The following CRAMP1 variants were observed in gnomAD, a reference collection of about 807,000 sequenced individuals.
The protein encoded by CRAMP1 is cramped chromatin regulator 1.
In CRAMP1, 50 loss-of-function variants were observed where a neutral mutation model predicts 115.4. That is an observed-to-expected ratio of 0.43 (90% CI 0.35 to 0.55). The LOEUF (loss-of-function observed/expected upper bound fraction) is 0.55. Ranked by LOEUF, CRAMP1 falls within the 20% of genes least tolerant of loss-of-function variation. CRAMP1 has a pLI of 0.01. For missense variants in CRAMP1, 1,679 were observed against 1,721.7 expected (o/e 0.98, Z 0.44); for synonymous variants, 866 against 745.4 (o/e 1.16, Z -2.64).
chr16:1,670,711 A>T lies in CRAMP1; in HGVS notation c.3547A>T (p.Ile1183Phe), dbSNP rs1215143307. 6.2e-7 allele frequency: 1 copy of T among 1,613,944 alleles called. No homozygotes were observed. The highest frequency in any genetic ancestry group is 1.1e-5 in the South Asian group (1 of 91,080). ...GAGCCGGAAGATGTTGCCGACTCCCATTGGGACCAACAGTGGCACTTCCTT... is the reference window on the plus strand; with the variant it reads ...GAGCCGGAAGATGTTGCCGACTCCCTTTGGGACCAACAGTGGCACTTCCTT... ...EKSRKMLPTP[I>F]GTNSGTSLLG... Residue 1183 changes from isoleucine to phenylalanine, a missense_variant, in exon 20 of 21, where the codon ATT becomes TTT. This residue lies in a region of CRAMP1 where 709 missense variants were observed against 741.9 expected (regional missense o/e 0.96). Coordinates refer to ENST00000397412, the MANE Select transcript of CRAMP1 (RefSeq NM_020825.4).
At chr16:1,649,785 A>ATTTTTTTT (rs35942594) in intron 6 of CRAMP1, among the ~76,000 whole-genome samples, 1 of 65,738 alleles carries the variant, frequency 1.5e-5, no homozygotes, top group Non-Finnish European at 2.6e-5. Flanking sequence ...ATGAGCCACT[A>ATTTTTTTT]TTTTTTTTTT....
rs372569332 is a variant in CRAMP1 at position 1,667,391 on chromosome 16, C to T, written c.3093C>T (p.Asp1031=). The T allele has an allele frequency of 1.9e-6, 3 of 1,612,638 alleles. No individual in the cohort carries two copies. The highest frequency in any genetic ancestry group is 2.2e-5 in the East Asian group (1 of 44,872). The part of the protein sequence containing the change: ...PSRPEQEPVA[D]SFQGSSVLSL... ...GGCCTGAGCAGGAGCCAGTGGCAGACAGTTTCCAGGTAGAGTGTGCTCTTG... is the reference window on the plus strand; with the variant it reads ...GGCCTGAGCAGGAGCCAGTGGCAGATAGTTTCCAGGTAGAGTGTGCTCTTG... The change falls in exon 17 of 21, where the codon GAC becomes GAT. Residue 1031 remains aspartate (D), a synonymous_variant. Transcript: ENST00000397412.
intron 4 of CRAMP1, among the ~76,000 whole-genome samples, chr16:1,634,652 A>C (rs536772482): frequency 1.1e-4 from 16 of 151,736 alleles, no homozygotes; most frequent in African/African-American, 3.9e-4. Context: ...CTTCCTGTTG[A>C]GCTCACCGTT....
chr16:1,626,043 G>T lies in CRAMP1; in HGVS notation c.417G>T (p.Ser139=). The T allele has an allele frequency of 6.4e-7, 1 of 1,551,636 alleles. No individual in the cohort carries two copies. Among genetic ancestry groups the T allele is most frequent in the Non-Finnish European group, 8.7e-7 (1 of 1,146,946 alleles). Residue 139 remains serine (S), a synonymous_variant, in exon 3 of 21, where the codon TCG becomes TCT. Coordinates refer to ENST00000397412, the MANE Select transcript of CRAMP1 (RefSeq NM_020825.4). The part of the protein sequence containing the change: ...GVAPAAPAGG[S]RSSSRNLGSS... ...CCCCTGCTGCCCCTGCAGGGGGCTC[G>T]CGCTCCTCCTCCCGGAACTTAGGGT...
Position 1,614,219 on chromosome 16 carries a change from G to A in CRAMP1, c.-1-420G>A, listed in dbSNP as rs1286868097. The stretch of plus-strand genomic sequence containing the variant: ...GGCGCGCAGGGCCAGGCCATGAGCC[G>A]CGGCCCCGCCGGGTAGGTGGCTGTG... On this transcript the variant is annotated intron_variant, in intron 1 of 20. Transcript: ENST00000397412. This position sits in a 1 kb window ranked among gnomAD's most constrained non-coding sequence, Gnocchi z 4.4. Among the ~76,000 whole-genome samples the A allele has an allele frequency of 6.8e-6, 1 of 147,604 alleles. No individual in the cohort carries two copies. The highest frequency in any genetic ancestry group is 1.5e-5 in the Non-Finnish European group (1 of 66,196).
At chr16:1,617,834 A>G (rs952194256) in intron 2 of CRAMP1, among the ~76,000 whole-genome samples, 4 of 152,214 alleles carry the variant, frequency 2.6e-5, no homozygotes, top group African/African-American at 9.7e-5. Context: ...ATCTTCTTGC[A>G]TTGATAAAGC....
chr16:1,673,807 G>C, intron 20 of CRAMP1, 74 bp from the exon 21 acceptor site: 1 of 1,459,542 alleles, frequency 6.9e-7, no homozygotes, highest in Non-Finnish European at 9.5e-7. Context: ...TTCTCGTCCT[G>C]TTTCAGGACC....
intron 5 of CRAMP1, among the ~76,000 whole-genome samples, chr16:1,638,705 C>T (rs140891206): frequency 0.014 from 2,089 of 152,274 alleles, 49 homozygotes; most frequent in African/African-American, 0.048. Context: ...TACTGCACGA[C>T]CACGCCAGCT....
In CRAMP1 at chr16:1,612,484, A is replaced by T. The variant is rs946345359; in HGVS notation, c.-175A>T. 3.3e-5 allele frequency: 5 copies of T among 150,930 alleles called. No homozygotes were observed. The highest frequency in any genetic ancestry group is 9.7e-5 in the African/African-American group (4 of 41,156). The allele number at this position is 150,930 out of a possible 1,614,324, so 9.3% of individuals were successfully genotyped here. ...AGCCGCGCGCCGGCCCGCGGAGGGGACGTGCCGGGGCTAGCGCCGCTCGAC... is the reference window on the plus strand; with the variant it reads ...AGCCGCGCGCCGGCCCGCGGAGGGGTCGTGCCGGGGCTAGCGCCGCTCGAC... On this transcript the variant is annotated 5_prime_UTR_variant, in exon 1 of 21. Transcript: ENST00000397412.
In CRAMP1 at chr16:1,674,192, A is replaced by C; in HGVS notation, c.*147A>C. 1.3e-6 allele frequency: 1 copy of C among 768,882 alleles called. No individual in the cohort carries two copies. Among genetic ancestry groups the C allele is most frequent in the Non-Finnish European group, 2.0e-6 (1 of 489,926 alleles). The allele number at this position is 768,882 out of a possible 1,614,324, so 47.6% of individuals were successfully genotyped here. On this transcript the variant is annotated 3_prime_UTR_variant, in exon 21 of 21. Transcript: ENST00000397412. ...AACGTGGTCACAGAGCTGCTTCCCC[A>C]CGAGCAGCAGGCAACGGCGTCCAAG...
Position 1,626,048 on chromosome 16 carries a change from C to T in CRAMP1, c.422C>T (p.Ser141Phe), listed in dbSNP as rs904231704. Reference sequence around the variant, plus strand: ...GCTGCCCCTGCAGGGGGCTCGCGCTCCTCCTCCCGGAACTTAGGGTCTTCT... The same window carrying T: ...GCTGCCCCTGCAGGGGGCTCGCGCTTCTCCTCCCGGAACTTAGGGTCTTCT... The part of the protein sequence containing the change: ...APAAPAGGSR[S>F]SSRNLGSSGG... Residue 141 changes from serine (S) to phenylalanine (F), a missense_variant, in exon 3 of 21, where the codon TCC (serine) becomes TTC (phenylalanine). Physicochemically the swap from Ser to Phe is radical, Grantham distance 155. Transcript: ENST00000397412. 4 of 1,551,470 alleles carry T rather than the reference C, an allele frequency of 2.6e-6. No homozygotes were observed. Among genetic ancestry groups the T allele is most frequent in the Non-Finnish European group, 3.5e-6 (4 of 1,146,948 alleles).
chr16:1,665,179 C>T (rs1043285137), intron 14 of CRAMP1, 41 bp downstream of exon 14: 1 of 1,294,410 alleles, frequency 7.7e-7, no homozygotes, highest in South Asian at 1.2e-5. Context: ...TGTCCCTCCT[C>T]CTCACAGGAG....
intron 10 of CRAMP1, among the ~76,000 whole-genome samples, chr16:1,657,267 C>T (rs1420273092): frequency 1.3e-5 from 2 of 152,248 alleles, no homozygotes; most frequent in East Asian, 1.9e-4. Flanking sequence ...CTTACGTGCA[C>T]GGTTCCAGAA....
chr16:1,657,566 G>A (rs541445947), intron 10 of CRAMP1, among the ~76,000 whole-genome samples: 3 of 152,378 alleles, frequency 2.0e-5, no homozygotes, highest in Admixed American at 6.5e-5. Context: ...ATGTGGCAAA[G>A]TCAGAGGCTG....
At chr16:1,635,675 ATATT>A (rs1254011015) in intron 4 of CRAMP1, among the ~76,000 whole-genome samples, 2 of 152,288 alleles carry the variant, frequency 1.3e-5, no homozygotes, top group Non-Finnish European at 2.9e-5. Flanking sequence ...TTTAAAATAT[ATATT>A]TTAGAAATGG....
chr16:1,631,751 C>T (rs17135441), intron 3 of CRAMP1, among the ~76,000 whole-genome samples: 7,153 of 152,310 alleles, frequency 0.047, 461 homozygotes, highest in Admixed American at 0.14. Context: ...TTACTAAATG[C>T]TCACGTTTGC....
intron 4 of CRAMP1, among the ~76,000 whole-genome samples, chr16:1,635,454 G>A (rs899797842): frequency 6.6e-6 from 1 of 152,210 alleles, no homozygotes; most frequent in African/African-American, 2.4e-5. Flanking sequence ...GGTGAGCTTG[G>A]TTCCTGTCCC....
chr16:1,667,579 C>T (rs1199096605), intron 17 of CRAMP1, among the ~76,000 whole-genome samples, 179 bp downstream of exon 17: 5 of 152,154 alleles, frequency 3.3e-5, no homozygotes, highest in South Asian at 2.1e-4. Context: ...TATGGCTGTC[C>T]GCCACCTCAG....
At position 1,660,001 on chromosome 16, in the gene CRAMP1, G is replaced by A. The variant is rs1464600819; in HGVS notation, c.2351G>A (p.Arg784Gln). 5.0e-6 allele frequency: 8 copies of A among 1,604,448 alleles called. No individual in the cohort carries two copies. The highest frequency in any genetic ancestry group is 6.8e-6 in the Non-Finnish European group (8 of 1,179,692). The change falls in exon 11 of 21, where the codon CGG (arginine) becomes CAG (glutamine). Residue 784 changes from arginine to glutamine, a missense_variant. Arg to Gln is a conservative substitution (Grantham distance 43). Coordinates refer to ENST00000397412, the MANE Select transcript of CRAMP1 (RefSeq NM_020825.4). Reference protein sequence around the residue: ...TVSSRSPRCPRNQASLRSSKT... With the variant: ...TVSSRSPRCPQNQASLRSSKT... ...AGCTCTCGCAGCCCCCGCTGCCCTCGGAACCAGGCCTCCCTCCGCAGCAGC... is the reference window on the plus strand; with the variant it reads ...AGCTCTCGCAGCCCCCGCTGCCCTCAGAACCAGGCCTCCCTCCGCAGCAGC...
Sources: allele counts gnomAD v4.1 joint callset (sites outside exome capture counted in the v4.1 genomes callset), GRCh38; gene constraint gnomAD v4.1.1; regional missense constraint gnomAD v4.1.1; non-coding constraint Gnocchi (gnomAD v3.1); transcripts MANE v1.5; gene names NCBI Gene and HGNC (gene_info 2026-07-23, HGNC 2026-07-21).